ZNF679: variants seen among roughly 807,000 people sequenced by gnomAD.
ZNF679 encodes the protein hypothetical protein MGC42415.
ZNF679 carries 10 observed loss-of-function variants against 13.4 expected under a neutral mutation model. The ratio of observed to expected loss-of-function variants is 0.75; its 90% CI spans 0.46 to 1.27. The LOEUF (loss-of-function observed/expected upper bound fraction) is 1.27. Among genes scored for constraint, ZNF679 ranks in the 50% most tolerant of loss-of-function variants. The pLI is 0.00. For synonymous variants in ZNF679, 179 were observed against 162.5 expected (o/e 1.10, Z -0.77); for missense variants, 525 against 477.8 (o/e 1.10, Z -0.92).
chr7:64,239,603 T>C (rs1015337384), intron 1 of ZNF679, among the ~76,000 whole-genome samples: 2 of 152,178 alleles, frequency 1.3e-5, no homozygotes, highest in African/African-American at 4.8e-5. Flanking sequence ...GTAATATATC[T>C]CTTTATTGAG....
intron 2 of ZNF679, among the ~76,000 whole-genome samples, chr7:64,257,610 T>G (rs1788020170): frequency 6.6e-6 from 1 of 152,198 alleles, no homozygotes; most frequent in African/African-American, 2.4e-5. Context: ...TAGTACCTGC[T>G]TAATAAACAT....
At position 64,266,659 on chromosome 7, in the gene ZNF679, T is replaced by C. The variant is rs1788157070; in HGVS notation, c.1026T>C (p.His342=). The C allele has an allele frequency of 1.9e-6, 3 of 1,613,270 alleles. No homozygotes were observed. The highest frequency in any genetic ancestry group is 1.7e-4 in the Middle Eastern group (1 of 6,052). ...ACTGCTCCTCAACCCTTAAGAAACA[T>C]AAGATAATTCATACTGGAGAGAAAC... ...AFNCSSTLKK[H]KIIHTGEKPY... is the part of the protein sequence containing the mutation. Residue 342 remains histidine (H), a synonymous_variant, in exon 5 of 5, where the codon CAT becomes CAC. Transcript: ENST00000421025.
At chr7:64,240,436 C>T (rs972684093) in intron 1 of ZNF679, among the ~76,000 whole-genome samples, 4 of 152,148 alleles carry the variant, frequency 2.6e-5, no homozygotes, top group African/African-American at 7.2e-5. Context: ...CAGGCAAGGT[C>T]CTGGGTCTCC....
chr7:64,265,880 T>C lies in ZNF679; in HGVS notation c.263-16T>C. On this transcript the variant is annotated splice_polypyrimidine_tract_variant and intron_variant, in intron 4 of 4. Coordinates refer to ENST00000421025, the MANE Select transcript of ZNF679 (RefSeq NM_153363.3). Reference sequence around the variant, plus strand: ...GTGTAGTAAGTGAAGTAACTTGTGATTTTTATGTCTTTCAGTTATGTGTTC... The same window carrying C: ...GTGTAGTAAGTGAAGTAACTTGTGACTTTTATGTCTTTCAGTTATGTGTTC... 1.9e-6 allele frequency: 3 copies of C among 1,607,330 alleles called. No homozygotes were observed. The highest frequency in any genetic ancestry group is 2.5e-6 in the Non-Finnish European group (3 of 1,177,418).
chr7:64,243,075 G>A lies in ZNF679; in HGVS notation c.-90-5953G>A, dbSNP rs115705890. Among the ~76,000 whole-genome samples, 734 of 152,256 alleles carry A rather than the reference G, an allele frequency of 4.8e-3. 9 individuals carry two copies. Among genetic ancestry groups the A allele is most frequent in the African/African-American group, 0.016 (685 of 41,544 alleles). ...GTAAGAGTCACAATTTTACTTCTGTGCTGGACCCTGATATGACACTCTTTA... is the reference window on the plus strand; with the variant it reads ...GTAAGAGTCACAATTTTACTTCTGTACTGGACCCTGATATGACACTCTTTA... On this transcript the variant is annotated intron_variant, in intron 1 of 4. Transcript: ENST00000421025.
At chr7:64,245,277 C>T (rs1053838403) in intron 1 of ZNF679, among the ~76,000 whole-genome samples, 18 of 152,124 alleles carry the variant, frequency 1.2e-4, no homozygotes, top group Non-Finnish European at 2.5e-4. Flanking sequence ...CCACCTGCCT[C>T]GGCCTCCCAA....
Position 64,235,422 on chromosome 7 carries a change from C to T in ZNF679, c.-91+6770C>T, listed in dbSNP as rs1436694237. Among the ~76,000 whole-genome samples, 5 of 150,722 alleles carry T rather than the reference C, an allele frequency of 3.3e-5. No homozygotes were observed. The South Asian group carries it at 8.3e-4, about 25-fold the overall frequency. On this transcript the variant is annotated intron_variant, in intron 1 of 4. Coordinates refer to ENST00000421025, the MANE Select transcript of ZNF679 (RefSeq NM_153363.3). ...TATATTAAGAAAAAGGAAAAGATGT[C>T]AAATAAAAAACATAACTTTAATCCA...
At chr7:64,256,697 C>CT (rs35992074) in intron 2 of ZNF679, among the ~76,000 whole-genome samples, 5,049 of 134,220 alleles carry the variant, frequency 0.038, 166 homozygotes, top group Admixed American at 0.076. Flanking sequence ...TTTCGTTGAA[C>CT]TTTTTTTTTT....
intron 4 of ZNF679, among the ~76,000 whole-genome samples, chr7:64,263,074 G>A (rs1448171982): frequency 3.9e-5 from 6 of 151,998 alleles, no homozygotes; most frequent in African/African-American, 1.4e-4. Context: ...GAAAAAATAG[G>A]CTGTATGATT....
intron 1 of ZNF679, among the ~76,000 whole-genome samples, chr7:64,244,928 T>C (rs1787846565): frequency 6.6e-6 from 1 of 152,322 alleles, no homozygotes; most frequent in East Asian, 1.9e-4. Flanking sequence ...CAAGAGAAAA[T>C]ACTGCCACAT....
At chr7:64,248,737 T>G (rs1432193653) in intron 1 of ZNF679, among the ~76,000 whole-genome samples, 1 of 152,216 alleles carries the variant, frequency 6.6e-6, no homozygotes, top group Non-Finnish European at 1.5e-5. Flanking sequence ...ATACCATTTA[T>G]AAATGCATAT....
At chr7:64,250,421 C>T (rs1005327200) in intron 2 of ZNF679, among the ~76,000 whole-genome samples, 4 of 151,752 alleles carry the variant, frequency 2.6e-5, no homozygotes, top group East Asian at 3.9e-4. Context: ...AGGCACCCAC[C>T]ACCACGCCCG....
chr7:64,245,421 A>G (rs113719950), intron 1 of ZNF679, among the ~76,000 whole-genome samples: 157 of 81,240 alleles, frequency 1.9e-3, no homozygotes, highest in African/African-American at 4.2e-3. Context: ...GAGAGAGAGA[A>G]AGAGAGAGAG....
chr7:64,240,752 A>G (rs1787788020), intron 1 of ZNF679, among the ~76,000 whole-genome samples: 1 of 152,238 alleles, frequency 6.6e-6, no homozygotes, highest in Non-Finnish European at 1.5e-5. Context: ...ACCTGGACCC[A>G]GTCAATAGCA....
At chr7:64,241,017 GGTGT>G (rs1209449580) in intron 1 of ZNF679, among the ~76,000 whole-genome samples, 10 of 152,118 alleles carry the variant, frequency 6.6e-5, no homozygotes, top group African/African-American at 2.2e-4. Flanking sequence ...ACTGGCTCTT[GGTGT>G]GTGATTCAGA....
At chr7:64,234,578 G>C (rs960514034) in intron 1 of ZNF679, among the ~76,000 whole-genome samples, 1 of 152,138 alleles carries the variant, frequency 6.6e-6, no homozygotes, top group African/African-American at 2.4e-5. Flanking sequence ...TTTAGAAATG[G>C]GTTCTTCCCA....
chr7:64,258,169 T>C (rs10229536), intron 2 of ZNF679, among the ~76,000 whole-genome samples: 46,215 of 151,240 alleles, frequency 0.31, 8,249 homozygotes, highest in East Asian at 0.65. Context: ...AAGCTCGTTG[T>C]TCTCTGCTCT....
chr7:64,240,371 A>G (rs1329521686), intron 1 of ZNF679, among the ~76,000 whole-genome samples: 4 of 152,114 alleles, frequency 2.6e-5, no homozygotes, highest in Admixed American at 2.6e-4. Flanking sequence ...TGACTCTCAT[A>G]CTTGGATCCA....
At chr7:64,230,518 C>T (rs992590406) in intron 1 of ZNF679, among the ~76,000 whole-genome samples, 6 of 136,632 alleles carry the variant, frequency 4.4e-5, no homozygotes, top group Admixed American at 1.6e-4. Context: ...CTGGCCTGGG[C>T]GACAGAGCGA....
Sources: allele counts gnomAD v4.1 joint callset (sites outside exome capture counted in the v4.1 genomes callset), GRCh38; gene constraint gnomAD v4.1.1; transcripts MANE v1.5; gene names NCBI Gene and HGNC (gene_info 2026-07-23, HGNC 2026-07-21).